Variants in MGAT4C observed in about 807,000 individuals in gnomAD.
MGAT4C encodes MGAT4 family member C.
Under a neutral mutation model 40.1 loss-of-function variants are expected in MGAT4C, and 19 were observed. The observed-to-expected ratio is 0.47, with a 90% CI of 0.33 to 0.70. MGAT4C has a LOEUF of 0.70. Among genes scored for constraint, MGAT4C ranks in the 30% least tolerant of loss-of-function variants. The pLI is 0.02. For missense variants in MGAT4C, 491 were observed against 563.2 expected (o/e 0.87, Z 1.30); for synonymous variants, 181 against 187.1 (o/e 0.97, Z 0.27).
intron 3 of MGAT4C, among the ~76,000 whole-genome samples, chr12:85,987,468 T>G (rs892089191): frequency 1.3e-5 from 2 of 152,134 alleles, no homozygotes; most frequent in African/African-American, 2.4e-5. Flanking sequence ...AGAAGCAATC[T>G]GTTTTCTGCA....
At chr12:86,612,533 T>C (rs1330228726) in intron 2 of MGAT4C, among the ~76,000 whole-genome samples, 2 of 152,074 alleles carry the variant, frequency 1.3e-5, no homozygotes, top group Non-Finnish European at 2.9e-5. Flanking sequence ...GCAGATCATC[T>C]GAAGTCAGGA....
At chr12:86,132,757 A>G (rs1481883473) in intron 1 of MGAT4C, among the ~76,000 whole-genome samples, 7 of 139,454 alleles carry the variant, frequency 5.0e-5, no homozygotes, top group African/African-American at 1.9e-4. Flanking sequence ...GCGCCACTGC[A>G]CTCCAGCCTG....
intron 1 of MGAT4C, among the ~76,000 whole-genome samples, chr12:86,098,634 C>T (rs1041438510): frequency 1.1e-4 from 17 of 151,580 alleles, no homozygotes; most frequent in African/African-American, 4.1e-4. Flanking sequence ...CCTCCTTAAC[C>T]TCCTGTCCTT....
intron 2 of MGAT4C, among the ~76,000 whole-genome samples, chr12:86,453,518 A>G (rs569105305): frequency 6.6e-6 from 1 of 152,144 alleles, no homozygotes; most frequent in South Asian, 2.1e-4. Flanking sequence ...GAAGGGGGTA[A>G]TTTTTTTCAT....
chr12:86,802,662 C>G (rs377631311), intron 1 of MGAT4C, among the ~76,000 whole-genome samples: 1 of 150,466 alleles, frequency 6.6e-6, no homozygotes, highest in Non-Finnish European at 1.5e-5. Context: ...CTCCCATTCA[C>G]AATTGCTTCA....
chr12:86,769,079 GCAAC>G (rs1951575397), intron 1 of MGAT4C, among the ~76,000 whole-genome samples: 1 of 151,946 alleles, frequency 6.6e-6, no homozygotes, highest in African/African-American at 2.4e-5. Context: ...GAGTGAACAG[GCAAC>G]CTACAAAATG....
At chr12:86,789,989 T>C (rs756866451) in intron 1 of MGAT4C, among the ~76,000 whole-genome samples, 1 of 152,096 alleles carries the variant, frequency 6.6e-6, no homozygotes, top group Non-Finnish European at 1.5e-5. Context: ...AAACTAACCA[T>C]TATAATGTGG....
At chr12:86,171,723 G>C (rs1432412163) in intron 1 of MGAT4C, among the ~76,000 whole-genome samples, 1 of 152,112 alleles carries the variant, frequency 6.6e-6, no homozygotes, top group Non-Finnish European at 1.5e-5. Context: ...TTACATTATA[G>C]AAATTTCCCT....
chr12:86,341,027 G>C (rs553506999), intron 3 of MGAT4C, among the ~76,000 whole-genome samples: 1 of 152,310 alleles, frequency 6.6e-6, no homozygotes, highest in South Asian at 2.1e-4. Context: ...TAAGCAGCTA[G>C]TGCTTGTGGC....
At chr12:86,393,894 C>T (rs1264416370) in intron 3 of MGAT4C, among the ~76,000 whole-genome samples, 1 of 152,176 alleles carries the variant, frequency 6.6e-6, no homozygotes, top group Non-Finnish European at 1.5e-5. Context: ...TCATGCCAAT[C>T]GTGTCCCTCA....
intron 1 of MGAT4C, among the ~76,000 whole-genome samples, chr12:86,149,555 T>C (rs1057223374): frequency 6.6e-6 from 1 of 152,216 alleles, no homozygotes; most frequent in African/African-American, 2.4e-5. Context: ...TCTCACATTT[T>C]ATACAGCGCC....
intron 2 of MGAT4C, among the ~76,000 whole-genome samples, chr12:86,670,344 C>T (rs921903323): frequency 2.0e-5 from 3 of 151,968 alleles, no homozygotes; most frequent in Admixed American, 6.6e-5. Flanking sequence ...GGAAGAGATA[C>T]ACATCCTAAG....
intron 2 of MGAT4C, among the ~76,000 whole-genome samples, chr12:86,033,706 C>T (rs1305232757): frequency 6.7e-6 from 1 of 149,310 alleles, no homozygotes; most frequent in Admixed American, 6.7e-5. Flanking sequence ...AAAAACGGAT[C>T]GTTTGACTTC....
intron 3 of MGAT4C, among the ~76,000 whole-genome samples, chr12:86,425,743 T>A (rs75587896): frequency 6.6e-6 from 1 of 152,264 alleles, no homozygotes; most frequent in Non-Finnish European, 1.5e-5. Context: ...TACATGATGA[T>A]CCCTTTTCAA....
chr12:86,162,742 T>A lies in MGAT4C; in HGVS notation c.-57+93497A>T, dbSNP rs187945023. Reference sequence around the variant, plus strand: ...GCAAATATATCATTAGCAAATGTTGTTAACTAGGAAAGCAAATATTCATTA... The same window carrying A: ...GCAAATATATCATTAGCAAATGTTGATAACTAGGAAAGCAAATATTCATTA... On this transcript the variant is annotated intron_variant, in intron 1 of 4. Coordinates refer to ENST00000611864, the MANE Select transcript of MGAT4C (RefSeq NM_001351288.2). Among the ~76,000 whole-genome samples the A allele has an allele frequency of 2.6e-5, 4 of 152,270 alleles. No homozygotes were observed. The East Asian group carries it at 7.7e-4, about 29-fold the overall frequency.
rs549273868 is a variant in MGAT4C at position 86,338,019 on chromosome 12, T to C, written c.-119-3892A>G. Among the ~76,000 whole-genome samples, 3 of 152,132 alleles carry C rather than the reference T, an allele frequency of 2.0e-5. No individual in the cohort carries two copies. The South Asian group carries it at 6.2e-4, about 32-fold the overall frequency. Reference sequence around the variant, plus strand: ...TGCAATGTTATAACCGCCCAATGGGTTCACCTTGCCTGCAGCCTAGACAGA... The same window carrying C: ...TGCAATGTTATAACCGCCCAATGGGCTCACCTTGCCTGCAGCCTAGACAGA... On this transcript the variant is annotated intron_variant, in intron 3 of 7. Coordinates refer to the MGAT4C transcript ENST00000548651.
At chr12:86,815,707 A>G (rs1952589136) in intron 1 of MGAT4C, among the ~76,000 whole-genome samples, 1 of 151,750 alleles carries the variant, frequency 6.6e-6, no homozygotes, top group Non-Finnish European at 1.5e-5. Flanking sequence ...CAGCATTTGC[A>G]GTGACCTGGA....
Position 86,585,952 on chromosome 12 carries a change from T to A in MGAT4C, c.-229+141257A>T, listed in dbSNP as rs148523248. On this transcript the variant is annotated intron_variant, in intron 2 of 7. Coordinates refer to the MGAT4C transcript ENST00000548651. ...TAGGCACTTTTTTTTTCCCTTTTTTTAATTATTATTATTATACTTTAAGTT... is the reference window on the plus strand; with the variant it reads ...TAGGCACTTTTTTTTTCCCTTTTTTAAATTATTATTATTATACTTTAAGTT... Among the ~76,000 whole-genome samples the A allele has an allele frequency of 3.2e-3, 477 of 150,580 alleles. 5 individuals carry two copies. The highest frequency in any genetic ancestry group is 0.011 in the African/African-American group (446 of 41,206).
chr12:86,552,338 A>AAATCAGGTAAATCTCCTAGAAG (rs1206364773), intron 2 of MGAT4C, among the ~76,000 whole-genome samples: 1 of 152,116 alleles, frequency 6.6e-6, no homozygotes, highest in Non-Finnish European at 1.5e-5. Flanking sequence ...TCCTAGAAGT[A>AAATCAGGTAAATCTCCTAGAAG]TAAAGGAGAA....
Sources: gnomAD v4.1 joint callset for allele counts (sites outside exome capture counted in the v4.1 genomes callset) on GRCh38, gnomAD v4.1.1 for gene constraint, MANE v1.5 for transcripts, NCBI Gene and HGNC (gene_info 2026-07-23, HGNC 2026-07-21) for gene names.